BSND: variants seen among roughly 807,000 people sequenced by gnomAD.
The protein encoded by BSND is barttin.
Under a neutral mutation model 18.8 loss-of-function variants are expected in BSND, and 13 were observed. The observed-to-expected ratio is 0.69, with a 90% CI of 0.45 to 1.10. The LOEUF (loss-of-function observed/expected upper bound fraction) is 1.10. Among genes scored for constraint, BSND ranks in the 50% least tolerant of loss-of-function variants. The pLI, the probability that BSND is intolerant of heterozygous loss-of-function variation, is 0.00. For synonymous variants in BSND, 170 were observed against 161.8 expected, an observed-to-expected ratio of 1.05 and a Z score of -0.39; for missense variants, 379 against 416.7, an observed-to-expected ratio of 0.91 and a Z score of 0.79.
intron 1 of BSND, among the ~76,000 whole-genome samples, chr1:55,003,058 C>CTGATGATGAGGAT (rs1644369540): frequency 9.7e-4 from 1 of 1,030 alleles, no homozygotes; most frequent in Non-Finnish European, 1.8e-3. Context: ...ATGATGGTGA[C>CTGATGATGAGGAT]GGTGATGATG....
At position 55,008,228 on chromosome 1, in the gene BSND, C is replaced by T. The variant is rs1286568616; in HGVS notation, c.563C>T (p.Pro188Leu). The T allele has an allele frequency of 1.2e-6, 2 of 1,614,132 alleles. No homozygotes were observed. The highest frequency in any genetic ancestry group is 1.7e-6 in the Non-Finnish European group (2 of 1,180,006). Residue 188 changes from proline to leucine, a missense_variant, in exon 4 of 4, where the codon CCC becomes CTC. Transcript: ENST00000651561. The stretch of plus-strand genomic sequence containing the variant: ...TGTCCCTGCAGCCCCCTGGCCTGTC[C>T]CCAGGGCCCTGCCCCCTTGGCTTCC... ...TQSWPGPLAC[P>L]QGPAPLASFQ...
Position 55,008,275 on chromosome 1 carries a change from G to C in BSND, c.610G>C (p.Asp204His), listed in dbSNP as rs897566847. ...LASFQDDLDM[D>H]SSEGSSPNAS... ...TTCCTTCCAAGATGACCTGGACATGGACTCCAGTGAAGGCAGCAGCCCCAA... is the reference window on the plus strand; with the variant it reads ...TTCCTTCCAAGATGACCTGGACATGCACTCCAGTGAAGGCAGCAGCCCCAA... The change falls in exon 4 of 4, where the codon GAC (aspartate) becomes CAC (histidine). Residue 204 changes from aspartate to histidine, a missense_variant. Transcript: ENST00000651561. 6.2e-7 allele frequency: 1 copy of C among 1,614,192 alleles called. No homozygotes were observed. Among genetic ancestry groups the C allele is most frequent in the Admixed American group, 1.7e-5 (1 of 60,026 alleles).
At position 55,009,642 on chromosome 1, in the gene BSND, C is replaced by CA. The variant is rs1171362690; in HGVS notation, c.*1019dup. On this transcript the variant is annotated 3_prime_UTR_variant, in exon 4 of 4. Coordinates refer to ENST00000651561, the MANE Select transcript of BSND (RefSeq NM_057176.3). The stretch of plus-strand genomic sequence containing the variant: ...GGCCTGTATGTATTCACAAAGCAGG[C>CA]AAAAAGCCCCCAGAGGAACACCACC... 6.6e-6 allele frequency: 1 copy of CA among 152,208 alleles called. No homozygotes were observed. Among genetic ancestry groups the CA allele is most frequent in the Non-Finnish European group, 1.5e-5 (1 of 68,064 alleles). The allele number at this position is 152,208 out of a possible 1,614,324, so 9.4% of individuals were successfully genotyped here. A position where few individuals can be genotyped will look rare whatever the true frequency, so the allele number is the denominator to read the frequency against.
chr1:55,006,269 A>G (rs1644391184), intron 2 of BSND, among the ~76,000 whole-genome samples: 1 of 152,170 alleles, frequency 6.6e-6, no homozygotes, highest in Non-Finnish European at 1.5e-5. Context: ...CCTGTGATAC[A>G]GTGGGGGCTC....
chr1:55,005,248 GACTGTTTTCA>G (rs1644383687), intron 2 of BSND, 132 bp downstream of exon 2: 1 of 771,508 alleles, frequency 1.3e-6, no homozygotes, highest in African/African-American at 1.7e-5. Flanking sequence ...AGAAATTATG[GACTGTTTTCA>G]ACTCTCAATT....
At chr1:55,002,076 T>A (rs527948784) in intron 1 of BSND, among the ~76,000 whole-genome samples, 1 of 152,260 alleles carries the variant, frequency 6.6e-6, no homozygotes, top group East Asian at 1.9e-4. Flanking sequence ...GGGAGGCTTC[T>A]TCTCTGGTCT....
chr1:54,999,021 C>G lies in BSND; in HGVS notation c.-166C>G. 1 of 782,402 alleles carries G rather than the reference C, an allele frequency of 1.3e-6. No individual in the cohort carries two copies. The highest frequency in any genetic ancestry group is 2.0e-6 in the Non-Finnish European group (1 of 491,996). The allele number at this position is 782,402 out of a possible 1,614,324, so 48.5% of individuals were successfully genotyped here. ...CTCCAGCCCTGTTGAACTGGTGGGC[C>G]CAGGGACTGGAGCGGGATTGAAAGG... On this transcript the variant is annotated 5_prime_UTR_variant, in exon 1 of 4. Transcript: ENST00000651561.
chr1:55,007,333 A>T, intron 3 of BSND, 61 bp downstream of exon 3: 51 of 477,578 alleles, frequency 1.1e-4, no homozygotes, highest in Non-Finnish European at 1.5e-4. Context: ...AAAGGAGAGG[A>T]GTGGGGGACC....
In BSND at chr1:55,009,877, A is replaced by G. The variant is rs1644413109; in HGVS notation, c.*1249A>G. 2 of 152,330 alleles carry G rather than the reference A, an allele frequency of 1.3e-5. No individual in the cohort carries two copies. Among genetic ancestry groups the G allele is most frequent in the South Asian group, 4.1e-4 (2 of 4,826 alleles). The allele number at this position is 152,330 out of a possible 1,614,324, so 9.4% of individuals were successfully genotyped here. On this transcript the variant is annotated 3_prime_UTR_variant, in exon 4 of 4. Coordinates refer to ENST00000651561, the MANE Select transcript of BSND (RefSeq NM_057176.3). ...GGCAACATAGCGAAACCCTATCTCT[A>G]CTAAAACTACAAAAATTAGCTGGGC...
Position 54,999,342 on chromosome 1 carries a change from C to T in BSND, c.156C>T (p.Ser52=). 1 of 1,611,676 alleles carries T rather than the reference C, an allele frequency of 6.2e-7. No individual in the cohort carries two copies. ...TGGTGATCGGGGGCATCATCTGGAGCATGTGCCAGTGCTACCCCAAGGTAG... is the reference window on the plus strand; with the variant it reads ...TGGTGATCGGGGGCATCATCTGGAGTATGTGCCAGTGCTACCCCAAGGTAG... ...SVMVIGGIIW[S]MCQCYPKITF... The change falls in exon 1 of 4, where the codon AGC becomes AGT. Residue 52 remains serine, a synonymous_variant. Transcript: ENST00000651561.
rs1297512580 is a variant in BSND, at chr1:55,014,251, C to T, written c.*5623C>T. Among the ~76,000 whole-genome samples, 1 of 152,244 alleles carries T rather than the reference C, an allele frequency of 6.6e-6. No homozygotes were observed. The highest frequency in any genetic ancestry group is 1.5e-5 in the Non-Finnish European group (1 of 68,046). ...AAGGCTCATGGCCCAGGGGCATGGA[C>T]TCCTAGCCCAGGGCTGAGGAGCACC... On this transcript the variant is annotated 3_prime_UTR_variant, in exon 4 of 4. Coordinates refer to ENST00000651561, the MANE Select transcript of BSND (RefSeq NM_057176.3).
rs750601944 is a variant in BSND, at chr1:55,008,490, G to A, written c.825G>A (p.Val275=). ...GGCAGCGGTACCCAAGGACAAAGGTGGAGGAGAAGGAGGCTTCGGACACAG... is the reference window on the plus strand; with the variant it reads ...GGCAGCGGTACCCAAGGACAAAGGTAGAGGAGAAGGAGGCTTCGGACACAG... ...NNWQRYPRTK[V]EEKEASDTGG... is the part of the protein sequence containing the mutation. Residue 275 remains valine (V), a synonymous_variant, in exon 4 of 4, where the codon GTG becomes GTA. Coordinates refer to ENST00000651561, the MANE Select transcript of BSND (RefSeq NM_057176.3). 39 of 1,614,128 alleles carry A rather than the reference G, an allele frequency of 2.4e-5. No individual in the cohort carries two copies. The South Asian group carries it at 4.3e-4, about 18-fold the overall frequency.
chr1:55,004,459 G>T (rs1644379891), intron 1 of BSND, among the ~76,000 whole-genome samples: 1 of 152,172 alleles, frequency 6.6e-6, no homozygotes, highest in Admixed American at 6.5e-5. Flanking sequence ...CTCACCCACT[G>T]CCTCCTTCAT....
chr1:55,006,908 C>T lies in BSND; in HGVS notation c.273-89C>T, dbSNP rs1404431468. 3.1e-6 allele frequency: 5 copies of T among 1,590,200 alleles called. No homozygotes were observed. The African/African-American group carries it at 5.4e-5, about 17-fold the overall frequency. Reference sequence around the variant, plus strand: ...AGGCTTCTTGTGAGGTGAGGGGAGACCACATACCCAAAGCAAACAGGGCCG... The same window carrying T: ...AGGCTTCTTGTGAGGTGAGGGGAGATCACATACCCAAAGCAAACAGGGCCG... On this transcript the variant is annotated intron_variant, in intron 2 of 3. Transcript: ENST00000651561.
rs1393877248 is a variant in BSND at position 55,005,214 on chromosome 1, C to T, written c.272+98C>T. ...GAGGGAGGGCAGGAAGGCTGTTTGC[C>T]TTCTCACTTACTGAGAATGTATTAG... On this transcript the variant is annotated intron_variant, in intron 2 of 3. Coordinates refer to ENST00000651561, the MANE Select transcript of BSND (RefSeq NM_057176.3). 4 of 1,061,080 alleles carry T rather than the reference C, an allele frequency of 3.8e-6. No individual in the cohort carries two copies. The African/African-American group carries it at 4.7e-5, about 12-fold the overall frequency. 65.7% of individuals were successfully genotyped at this position (1,061,080 alleles called of 1,614,324 possible). A position where few individuals can be genotyped will look rare whatever the true frequency, so the allele number is the denominator to read the frequency against.
chr1:54,999,755 A>G (rs917601328), intron 1 of BSND, among the ~76,000 whole-genome samples: 9 of 152,086 alleles, frequency 5.9e-5, no homozygotes, highest in East Asian at 1.9e-4. Flanking sequence ...CTGTAGTTCC[A>G]CCTTCTGAGC....
Position 55,014,019 on chromosome 1 carries a change from G to T in BSND, c.*5391G>T, listed in dbSNP as rs1020320703. 2.0e-5 allele frequency among the ~76,000 whole-genome samples: 3 copies of T among 152,174 alleles called. No homozygotes were observed. The highest frequency in any genetic ancestry group is 2.0e-4 in the Admixed American group (3 of 15,290). ...CCATCTCCACTGCACCCTCTCCTCCGAATCCCTCCTAAACTGTGTGCCCCG... is the reference window on the plus strand; with the variant it reads ...CCATCTCCACTGCACCCTCTCCTCCTAATCCCTCCTAAACTGTGTGCCCCG... On this transcript the variant is annotated 3_prime_UTR_variant, in exon 4 of 4. Coordinates refer to ENST00000651561, the MANE Select transcript of BSND (RefSeq NM_057176.3).
At chr1:54,999,401 G>A in intron 1 of BSND, 38 bp downstream of exon 1, 1 of 1,580,954 alleles carries the variant, frequency 6.3e-7, no homozygotes. Context: ...CAGGTCAGCT[G>A]GGGCCAGGAG....
At chr1:55,006,851 A>G in intron 2 of BSND, 146 bp from the exon 3 acceptor site, 1 of 1,188,090 alleles carries the variant, frequency 8.4e-7, no homozygotes, top group South Asian at 1.3e-5. Flanking sequence ...CAGCCTCCTC[A>G]TCCCTGAAAC....
Sources: gnomAD v4.1 joint callset for allele counts (sites outside exome capture counted in the v4.1 genomes callset) on GRCh38, gnomAD v4.1.1 for gene constraint, MANE v1.5 for transcripts, NCBI Gene and HGNC (gene_info 2026-07-23, HGNC 2026-07-21) for gene names.